GRAMD1B: variants seen among roughly 807,000 people sequenced by gnomAD.
GRAMD1B encodes protein Aster-B.
GRAMD1B carries 37 observed loss-of-function variants against 99.7 expected under a neutral mutation model. That is an observed-to-expected ratio of 0.37 (90% CI 0.29 to 0.49). The LOEUF is 0.49. Ranked by LOEUF, GRAMD1B falls within the 20% of genes least tolerant of loss-of-function variation. GRAMD1B has a pLI of 0.98. For missense variants in GRAMD1B, 888 were observed against 1,009.2 expected, an observed-to-expected ratio of 0.88 and a Z score of 1.63; for synonymous variants, 427 against 387.6, an observed-to-expected ratio of 1.10 and a Z score of -1.19.
intron 2 of GRAMD1B, among the ~76,000 whole-genome samples, chr11:123,512,698 T>C (rs1941149882): frequency 7.0e-6 from 1 of 142,984 alleles, no homozygotes; most frequent in African/African-American, 2.7e-5. Context: ...AGCAGCATTG[T>C]GAATCTTTTT....
At chr11:123,387,217 G>A (rs759983757) in intron 1 of GRAMD1B, among the ~76,000 whole-genome samples, 3 of 152,136 alleles carry the variant, frequency 2.0e-5, no homozygotes, top group Admixed American at 6.5e-5. Context: ...AAGAAGTATC[G>A]TCTGGCTTCA....
chr11:123,432,246 A>G (rs1267742417), intron 1 of GRAMD1B: 1 of 388,444 alleles, frequency 2.6e-6, no homozygotes, highest in East Asian at 3.6e-5. Context: ...GAGAAGGAAG[A>G]TGAGGGGAGG....
chr11:123,430,429 C>A lies in GRAMD1B; in HGVS notation c.-364C>A. 1 of 251,996 alleles carries A rather than the reference C, an allele frequency of 4.0e-6. No homozygotes were observed. The highest frequency in any genetic ancestry group is 8.9e-5 in the South Asian group (1 of 11,202). 15.6% of individuals were successfully genotyped at this position (251,996 alleles called of 1,614,324 possible). A position where few individuals can be genotyped will look rare whatever the true frequency, so the allele number is the denominator to read the frequency against. ...CCCCTGGGGCCCCTGGCTGCCGAGT[C>A]CCGCTAAGGCAAAGACGCCAGCAAG... is the stretch of plus-strand genomic sequence containing the variant. On this transcript the variant is annotated 5_prime_UTR_variant, in exon 1 of 20. Transcript: ENST00000635736.
chr11:123,465,271 C>T (rs1950607040), intron 1 of GRAMD1B, among the ~76,000 whole-genome samples: 1 of 152,152 alleles, frequency 6.6e-6, no homozygotes, highest in African/African-American at 2.4e-5. Context: ...AAGCCCAAGT[C>T]GATGGCTCCT....
At chr11:123,437,260 A>G (rs1469579228) in intron 1 of GRAMD1B, among the ~76,000 whole-genome samples, 1 of 152,146 alleles carries the variant, frequency 6.6e-6, no homozygotes, top group Non-Finnish European at 1.5e-5. Flanking sequence ...ATGTCTTTCT[A>G]ACTTCCTTGC....
intron 1 of GRAMD1B, among the ~76,000 whole-genome samples, chr11:123,446,770 G>C (rs1395928263): frequency 6.6e-6 from 1 of 152,014 alleles, no homozygotes; most frequent in Admixed American, 6.6e-5. Flanking sequence ...GTGTGCTTGG[G>C]ATACAAAAAT....
intron 1 of GRAMD1B, chr11:123,458,627 A>G (rs566187252): frequency 6.6e-6 from 1 of 152,294 alleles, no homozygotes; most frequent in African/African-American, 2.4e-5. Context: ...ATTTGATGCA[A>G]ATCCCTTTTT....
intron 2 of GRAMD1B, among the ~76,000 whole-genome samples, chr11:123,511,343 C>A (rs1940989044): frequency 1.3e-5 from 2 of 152,168 alleles, no homozygotes; most frequent in Admixed American, 1.3e-4. Context: ...TCGCCGGATG[C>A]CCCAATGGCA....
intron 1 of GRAMD1B, among the ~76,000 whole-genome samples, chr11:123,406,124 T>C (rs1350449462): frequency 6.6e-6 from 1 of 151,662 alleles, no homozygotes; most frequent in East Asian, 1.9e-4. Flanking sequence ...AAATGATTTC[T>C]GGCTAATTTT....
intron 2 of GRAMD1B, among the ~76,000 whole-genome samples, chr11:123,536,778 C>T (rs1242046772): frequency 1.3e-5 from 2 of 152,154 alleles, no homozygotes; most frequent in African/African-American, 4.8e-5. Flanking sequence ...TGAACAGCCT[C>T]CCCAGTCATG....
intron 2 of GRAMD1B, among the ~76,000 whole-genome samples, chr11:123,540,760 C>T (rs1944435124): frequency 1.3e-5 from 2 of 152,146 alleles, no homozygotes; most frequent in Non-Finnish European, 1.5e-5. Flanking sequence ...GATAGATACA[C>T]ACATACATTT....
chr11:123,620,348 C>T (rs1036790045), intron 19 of GRAMD1B, among the ~76,000 whole-genome samples: 3 of 151,838 alleles, frequency 2.0e-5, no homozygotes, highest in African/African-American at 7.3e-5. Flanking sequence ...GTGGCGCACA[C>T]CTGTAATCCC....
At chr11:123,582,241 A>G (rs1277356068) in intron 3 of GRAMD1B, among the ~76,000 whole-genome samples, 1 of 152,004 alleles carries the variant, frequency 6.6e-6, no homozygotes, top group Non-Finnish European at 1.5e-5. Context: ...AGGACGCAGG[A>G]AGTGAGCCAT....
intron 11 of GRAMD1B, chr11:123,608,203 T>G (rs907924055): frequency 2.1e-5 from 8 of 387,000 alleles, no homozygotes; most frequent in Admixed American, 2.0e-4. Context: ...ACACTGATTC[T>G]TCCAGATTAG....
chr11:123,407,579 T>G (rs1197801910), intron 1 of GRAMD1B, among the ~76,000 whole-genome samples: 2 of 152,214 alleles, frequency 1.3e-5, no homozygotes, highest in Non-Finnish European at 2.9e-5. Context: ...AGGAACCTGT[T>G]GGTCACACCA....
intron 2 of GRAMD1B, among the ~76,000 whole-genome samples, chr11:123,484,875 C>T (rs539146957): frequency 9.9e-4 from 150 of 152,274 alleles, no homozygotes; most frequent in Middle Eastern, 3.4e-3. Context: ...TTAAGAGTCT[C>T]CAGGTGTTTA....
chr11:123,468,328 T>C (rs957013181), intron 1 of GRAMD1B, among the ~76,000 whole-genome samples: 12 of 151,846 alleles, frequency 7.9e-5, no homozygotes, highest in South Asian at 2.1e-4. Flanking sequence ...GGGCTAGATA[T>C]TTGCACATTC....
At position 123,592,559 on chromosome 11, in the gene GRAMD1B, G is replaced by A. The variant is rs145825404; in HGVS notation, c.685-1523G>A. Among the ~76,000 whole-genome samples, 1,162 of 152,294 alleles carry A rather than the reference G, an allele frequency of 7.6e-3. 12 individuals are homozygous for A. Among genetic ancestry groups the A allele is most frequent in the African/African-American group, 0.026 (1,088 of 41,570 alleles). ...CAGTTAGGCATAATGAGAACTCACT[G>A]GCGATCAGGTGGTCAAGCTGGGGTT... On this transcript the variant is annotated intron_variant, in intron 4 of 19. Coordinates refer to ENST00000635736, the MANE Select transcript of GRAMD1B (RefSeq NM_001387025.1).
intron 4 of GRAMD1B, among the ~76,000 whole-genome samples, chr11:123,588,712 C>A (rs902506663): frequency 1.3e-5 from 2 of 152,154 alleles, no homozygotes; most frequent in Non-Finnish European, 2.9e-5. Context: ...GGTACTGACA[C>A]GCCAAGCATA....
Sources: allele counts gnomAD v4.1 joint callset (sites outside exome capture counted in the v4.1 genomes callset), GRCh38; gene constraint gnomAD v4.1.1; transcripts MANE v1.5; gene names NCBI Gene and HGNC (gene_info 2026-07-23, HGNC 2026-07-21).